Variants in LAMA4 observed in about 807,000 individuals in gnomAD.
LAMA4 encodes laminin subunit alpha 4.
Under a neutral mutation model 207.1 loss-of-function variants are expected in LAMA4, and 127 were observed. The ratio of observed to expected loss-of-function variants is 0.61; its 90% CI spans 0.53 to 0.71. The LOEUF is 0.71. Ranked by LOEUF, LAMA4 falls within the 30% of genes least tolerant of loss-of-function variation. The pLI is 0.00. For missense variants in LAMA4, 2,093 were observed against 2,246.5 expected, an observed-to-expected ratio of 0.93 and a Z score of 1.38; for synonymous variants, 761 against 816.0, an observed-to-expected ratio of 0.93 and a Z score of 1.15.
At chr6:112,188,445 C>T (rs1281385615) in intron 7 of LAMA4, among the ~76,000 whole-genome samples, 1 of 152,192 alleles carries the variant, frequency 6.6e-6, no homozygotes, top group Non-Finnish European at 1.5e-5. Flanking sequence ...CATCCTATGG[C>T]ATCTTCTAAG....
At chr6:112,254,326 A>G in intron 1 of LAMA4, 35 bp from the exon 2 acceptor site, 1 of 722,366 alleles carries the variant, frequency 1.4e-6, no homozygotes, top group Non-Finnish European at 2.4e-6. Flanking sequence ...AGAGTAAGGG[A>G]GAGTTCCAGC....
intron 19 of LAMA4, 45 bp downstream of exon 19, chr6:112,144,749 G>C (rs749840098): frequency 6.2e-7 from 1 of 1,606,672 alleles, no homozygotes; most frequent in Admixed American, 1.7e-5. Flanking sequence ...TCAGCTTCGT[G>C]TTATTATTAC....
Position 112,117,001 on chromosome 6 carries a change from G to A in LAMA4, c.4981+738C>T, listed in dbSNP as rs1232598717. The stretch of plus-strand genomic sequence containing the variant: ...GGTTTAAAAAGTAAACTTGGCTGCA[G>A]TGTAATTTCTTTATTCAGGGGATGT... On this transcript the variant is annotated intron_variant, in intron 35 of 38. Transcript: ENST00000230538. The surrounding 1 kb of genome is among the most constrained non-coding windows in gnomAD (Gnocchi z 4.5). 6.6e-6 allele frequency among the ~76,000 whole-genome samples: 1 copy of A among 152,160 alleles called. No individual in the cohort carries two copies. Among genetic ancestry groups the A allele is most frequent in the African/African-American group, 2.4e-5 (1 of 41,438 alleles).
At position 112,154,789 on chromosome 6, in the gene LAMA4, G is replaced by A. The variant is rs1253804077; in HGVS notation, c.2056+62C>T. On this transcript the variant is annotated intron_variant, in intron 16 of 38. Transcript: ENST00000230538. Reference sequence around the variant, plus strand: ...CCTAGATTTGGAAATCTCTGTCTACGTGTATGAAAGGAGGGAAGCAGCTAT... The same window carrying A: ...CCTAGATTTGGAAATCTCTGTCTACATGTATGAAAGGAGGGAAGCAGCTAT... 11 of 981,980 alleles carry A rather than the reference G, an allele frequency of 1.1e-5. No homozygotes were observed. In the Admixed American group the frequency reaches 1.2e-4, roughly 11 times the overall value. 60.8% of individuals were successfully genotyped at this position (981,980 alleles called of 1,614,324 possible).
intron 38 of LAMA4, among the ~76,000 whole-genome samples, chr6:112,113,075 G>C (rs1475665100): frequency 6.6e-6 from 1 of 152,038 alleles, no homozygotes; most frequent in Non-Finnish European, 1.5e-5. Flanking sequence ...AATACAGTTA[G>C]ATAGAAGGAA....
intron 2 of LAMA4, chr6:112,235,987 T>G (rs1785891038): frequency 2.6e-5 from 4 of 152,236 alleles, no homozygotes; most frequent in Admixed American, 2.6e-4. Flanking sequence ...AGGACACAGA[T>G]GACTACATAA....
chr6:112,153,464 G>A (rs1251622770), intron 16 of LAMA4, among the ~76,000 whole-genome samples: 2 of 152,098 alleles, frequency 1.3e-5, no homozygotes, highest in Non-Finnish European at 2.9e-5. Context: ...CTAATGCAGA[G>A]AGATTTATCA....
intron 2 of LAMA4, among the ~76,000 whole-genome samples, chr6:112,227,534 A>T (rs1785291134): frequency 6.6e-6 from 1 of 152,150 alleles, no homozygotes; most frequent in Non-Finnish European, 1.5e-5. Flanking sequence ...ACCCGGTGAG[A>T]TCTCTAAAAC....
chr6:112,172,692 T>C lies in LAMA4; in HGVS notation c.1470A>G (p.Glu490=). The C allele has an allele frequency of 6.2e-7, 1 of 1,613,948 alleles. No individual in the cohort carries two copies. Among genetic ancestry groups the C allele is most frequent in the South Asian group, 1.1e-5 (1 of 91,064 alleles). The change falls in exon 12 of 39, where the codon GAA becomes GAG. Residue 490 remains glutamate, a synonymous_variant. Transcript: ENST00000230538. ...DYNAKLSDLQ[E]ALDQALNYVR... is the part of the protein sequence containing the mutation. ...CATAGTTAAGGGCCTGGTCAAGTGC[T>C]TCCTGGAGATCTGACAACTTAGCAT...
intron 13 of LAMA4, among the ~76,000 whole-genome samples, chr6:112,160,235 C>A (rs1003648996): frequency 6.6e-6 from 1 of 152,116 alleles, no homozygotes; most frequent in Non-Finnish European, 1.5e-5. Context: ...TTTTTGCAAC[C>A]AGCCCCCAGC....
chr6:112,184,746 T>C (rs1782584248), intron 9 of LAMA4, among the ~76,000 whole-genome samples: 1 of 152,238 alleles, frequency 6.6e-6, no homozygotes, highest in Non-Finnish European at 1.5e-5. Flanking sequence ...TAATTTATTT[T>C]AGTCTGTGGT....
chr6:112,132,964 C>T (rs959234631), intron 27 of LAMA4, 74 bp from the exon 28 acceptor site: 31 of 1,467,490 alleles, frequency 2.1e-5, no homozygotes, highest in East Asian at 1.6e-4. Context: ...GTTTCACATA[C>T]GGAAGGCCTT....
chr6:112,162,998 G>T (rs1329279444), intron 13 of LAMA4, among the ~76,000 whole-genome samples: 5 of 138,170 alleles, frequency 3.6e-5, no homozygotes, highest in African/African-American at 8.9e-5. Flanking sequence ...TTGAGACAGG[G>T]TCTCACCTTG....
chr6:112,193,532 G>A lies in LAMA4; in HGVS notation c.504-1682C>T, dbSNP rs145852286. Among the ~76,000 whole-genome samples, 6 of 152,194 alleles carry A rather than the reference G, an allele frequency of 3.9e-5. No homozygotes were observed. In the East Asian group the frequency reaches 9.7e-4, roughly 24 times the overall value. On this transcript the variant is annotated intron_variant, in intron 5 of 38. Transcript: ENST00000230538. ...AAAAAAGTCACTGTCAACATTTTGT[G>A]TATGTTCCTTCAGCCTCTGTTCCCA...
At chr6:112,146,297 A>C (rs1170452920) in intron 18 of LAMA4, among the ~76,000 whole-genome samples, 4 of 152,196 alleles carry the variant, frequency 2.6e-5, no homozygotes, top group Non-Finnish European at 1.5e-5. Context: ...CTCAAAAAAA[A>C]AAAAGCACCA....
chr6:112,130,980 A>T lies in LAMA4; in HGVS notation c.3956T>A (p.Val1319Asp). The T allele has an allele frequency of 6.2e-7, 1 of 1,613,204 alleles. No individual in the cohort carries two copies. Among genetic ancestry groups the T allele is most frequent in the Non-Finnish European group, 8.5e-7 (1 of 1,179,296 alleles). ...DGLSHFVISS[V>D]SPTRYELIVD... ...TGAGGAGCTATACCTTGTGGGTGAGACAGAGCTAATGACGAAGTGGGACAG... is the reference window on the plus strand; with the variant it reads ...TGAGGAGCTATACCTTGTGGGTGAGTCAGAGCTAATGACGAAGTGGGACAG... Residue 1319 changes from valine to aspartate, a missense_variant, in exon 29 of 39, where the codon GTC becomes GAC. Val to Asp is a radical substitution (Grantham distance 152, BLOSUM62 -3). This residue lies in a region of LAMA4 where 1,704 missense variants were observed against 1,788.4 expected (regional missense o/e 0.95). Transcript: ENST00000230538.
In LAMA4 at chr6:112,150,640, A is replaced by G; in HGVS notation, c.2057-13T>C. On this transcript the variant is annotated splice_polypyrimidine_tract_variant and intron_variant, in intron 16 of 38. Coordinates refer to ENST00000230538, the MANE Select transcript of LAMA4 (RefSeq NM_001105206.3). ...GCTTCATCACTGCCTGTGGAAGAGC[A>G]GCAGAAAGAAGTACTAGTGGAGCCA... 1 of 1,586,354 alleles carries G rather than the reference A, an allele frequency of 6.3e-7. No individual in the cohort carries two copies. The highest frequency in any genetic ancestry group is 1.7e-4 in the Middle Eastern group (1 of 6,014).
At chr6:112,203,211 C>G (rs970834188) in intron 4 of LAMA4, among the ~76,000 whole-genome samples, 2 of 152,192 alleles carry the variant, frequency 1.3e-5, no homozygotes, top group African/African-American at 4.8e-5. Context: ...ACTGTAACCA[C>G]TGTGGTGCCC....
intron 4 of LAMA4, among the ~76,000 whole-genome samples, chr6:112,206,691 G>T (rs950192472): frequency 1.3e-5 from 2 of 152,088 alleles, no homozygotes; most frequent in Admixed American, 1.3e-4. Context: ...GAGTCTGTTG[G>T]GATTACCAGT....
Sources: gnomAD v4.1 joint callset for allele counts (sites outside exome capture counted in the v4.1 genomes callset) on GRCh38, gnomAD v4.1.1 for gene constraint, gnomAD v4.1.1 regional missense constraint, Gnocchi (gnomAD v3.1) non-coding constraint, MANE v1.5 for transcripts, NCBI Gene and HGNC (gene_info 2026-07-23, HGNC 2026-07-21) for gene names.